Variants in ABLIM1 observed in about 807,000 individuals in gnomAD.
ABLIM1 encodes actin binding LIM protein 1.
In ABLIM1, 40 loss-of-function variants were observed where a neutral mutation model predicts 107.0. The observed-to-expected ratio is 0.37, with a 90% CI of 0.29 to 0.49. The LOEUF is 0.49. ABLIM1 is among the 20% of genes least tolerant of loss of function. The pLI is 0.97. For missense variants in ABLIM1, 857 were observed against 1,008.5 expected (o/e 0.85, Z 2.04); for synonymous variants, 357 against 357.3 (o/e 1.00, Z 0.01).
At chr10:114,723,318 T>C (rs1056140802) in intron 1 of ABLIM1, among the ~76,000 whole-genome samples, 15 of 152,180 alleles carry the variant, frequency 9.9e-5, no homozygotes, top group Admixed American at 9.8e-4. Context: ...GACATGCCCC[T>C]GTAAATTTCC....
At chr10:114,640,425 G>T (rs1318091501) in intron 1 of ABLIM1, among the ~76,000 whole-genome samples, 1 of 152,172 alleles carries the variant, frequency 6.6e-6, no homozygotes, top group Non-Finnish European at 1.5e-5. Flanking sequence ...TACTTGGAAG[G>T]CTGGGGCAGG....
chr10:114,507,362 A>G (rs1169049940), intron 6 of ABLIM1, among the ~76,000 whole-genome samples: 2 of 152,238 alleles, frequency 1.3e-5, no homozygotes, highest in Non-Finnish European at 2.9e-5. Context: ...TGAAGAAGGA[A>G]CGAAGACATA....
Position 114,711,627 on chromosome 10 carries a change from A to T in ABLIM1, c.-213+56434T>A, listed in dbSNP as rs114738559. ...TGGTCAGGGTTCAGGTAAACCCACA[A>T]GGGGCATGCACTACCCTGAGCCAGC... On this transcript the variant is annotated intron_variant, in intron 1 of 15. Coordinates refer to the ABLIM1 transcript ENST00000651092. Among the ~76,000 whole-genome samples, 928 of 152,288 alleles carry T rather than the reference A, an allele frequency of 6.1e-3. 8 individuals are homozygous for T. The highest frequency in any genetic ancestry group is 0.013 in the African/African-American group (559 of 41,564).
chr10:114,576,711 G>A (rs932490397), intron 2 of ABLIM1, among the ~76,000 whole-genome samples: 10 of 152,112 alleles, frequency 6.6e-5, no homozygotes, highest in African/African-American at 1.2e-4. Context: ...TACAAGCTAC[G>A]GAAGACGTTC....
intron 1 of ABLIM1, among the ~76,000 whole-genome samples, chr10:114,760,385 CAAG>C (rs1555233830): frequency 6.8e-6 from 1 of 146,892 alleles, no homozygotes; most frequent in Non-Finnish European, 1.5e-5. Flanking sequence ...CCATTCTCAG[CAAG>C]AAGAAAATTT....
chr10:114,554,062 G>A (rs2068414933), intron 4 of ABLIM1, among the ~76,000 whole-genome samples: 1 of 152,164 alleles, frequency 6.6e-6, no homozygotes, highest in Non-Finnish European at 1.5e-5. Flanking sequence ...AGAAGGGTGG[G>A]CTGCAAGAGG....
rs1020194549 is a variant in ABLIM1, at chr10:114,439,265, C to G, written c.2068-15G>C. ...TCTGGGAGTGTCTGCAACAGAAATG[C>G]CAGTTCCAGGTGAGGCATGAAATAG... On this transcript the variant is annotated splice_polypyrimidine_tract_variant and intron_variant, in intron 20 of 22. Coordinates refer to ENST00000533213, the MANE Select transcript of ABLIM1 (RefSeq NM_002313.7). 20 of 1,613,990 alleles carry G rather than the reference C, an allele frequency of 1.2e-5. No homozygotes were observed. The highest frequency in any genetic ancestry group is 2.2e-5 in the East Asian group (1 of 44,888).
intron 1 of ABLIM1, among the ~76,000 whole-genome samples, chr10:114,722,249 T>C (rs2081864068): frequency 6.6e-6 from 1 of 152,050 alleles, no homozygotes; most frequent in Non-Finnish European, 1.5e-5. Context: ...AACTTACAAT[T>C]ATGGTGGAAG....
chr10:114,548,742 A>T (rs990405030), intron 4 of ABLIM1, among the ~76,000 whole-genome samples: 1 of 152,236 alleles, frequency 6.6e-6, no homozygotes, highest in Non-Finnish European at 1.5e-5. Context: ...AACTACAGAC[A>T]TTCCACATCA....
At chr10:114,584,065 C>T (rs1235669993) in intron 2 of ABLIM1, among the ~76,000 whole-genome samples, 4 of 151,816 alleles carry the variant, frequency 2.6e-5, no homozygotes, top group Admixed American at 2.0e-4. Flanking sequence ...GCCTCAGCAC[C>T]ACACAATACA....
intron 14 of ABLIM1, 42 bp downstream of exon 14, chr10:114,451,582 A>G: frequency 6.4e-7 from 1 of 1,567,342 alleles, no homozygotes; most frequent in South Asian, 1.1e-5. Context: ...AGTTCAGCTG[A>G]CTTTGCTATT....
intron 5 of ABLIM1, among the ~76,000 whole-genome samples, chr10:114,546,297 C>CTTT (rs373431588): frequency 3.6e-5 from 5 of 139,090 alleles, no homozygotes; most frequent in Admixed American, 2.2e-4. Flanking sequence ...TCTTTTCTTT[C>CTTT]TTTTTTTTTT....
chr10:114,506,052 G>A (rs1424803217), intron 6 of ABLIM1, among the ~76,000 whole-genome samples: 1 of 152,158 alleles, frequency 6.6e-6, no homozygotes, highest in Non-Finnish European at 1.5e-5. Context: ...AATGTCTACT[G>A]TTCCCACCTT....
chr10:114,476,874 A>G (rs1375918575), intron 8 of ABLIM1, among the ~76,000 whole-genome samples: 1 of 152,094 alleles, frequency 6.6e-6, no homozygotes, highest in East Asian at 1.9e-4. Flanking sequence ...CTTAATGTCA[A>G]AATGAAACCT....
chr10:114,611,883 C>T (rs1404843963), intron 1 of ABLIM1, among the ~76,000 whole-genome samples: 2 of 152,164 alleles, frequency 1.3e-5, no homozygotes, highest in Admixed American at 6.5e-5. Context: ...CTCTCCTAGC[C>T]TTTCTCTGAC....
intron 1 of ABLIM1, among the ~76,000 whole-genome samples, chr10:114,714,206 A>C (rs554263961): frequency 6.6e-6 from 1 of 152,264 alleles, no homozygotes; most frequent in East Asian, 1.9e-4. Context: ...AATTAACTTC[A>C]TTTAGGTCAT....
At chr10:114,453,234 G>T (rs888758045) in intron 13 of ABLIM1, 145 bp downstream of exon 13, 9 of 763,054 alleles carry the variant, frequency 1.2e-5, no homozygotes, top group African/African-American at 1.8e-5. Flanking sequence ...CTTTTGAAAG[G>T]CCCCCTAGGT....
intron 1 of ABLIM1, among the ~76,000 whole-genome samples, chr10:114,682,321 G>A (rs1189081933): frequency 6.6e-6 from 1 of 152,208 alleles, no homozygotes; most frequent in Non-Finnish European, 1.5e-5. Context: ...TGTGCCAGGA[G>A]AGAAAGGACA....
intron 8 of ABLIM1, among the ~76,000 whole-genome samples, chr10:114,483,968 G>C (rs1049919878): frequency 1.3e-5 from 2 of 152,202 alleles, no homozygotes; most frequent in Non-Finnish European, 2.9e-5. Flanking sequence ...CCTCTGCCGG[G>C]CTGGTTGAGT....
Sources: allele counts gnomAD v4.1 joint callset (sites outside exome capture counted in the v4.1 genomes callset), GRCh38; gene constraint gnomAD v4.1.1; transcripts MANE v1.5; gene names NCBI Gene and HGNC (gene_info 2026-07-23, HGNC 2026-07-21).